The following ZMIZ2 variants were observed in gnomAD, a reference collection of about 807,000 sequenced individuals.
ZMIZ2 encodes zinc finger MIZ domain-containing protein 2.
A neutral mutation model predicts 93.9 loss-of-function variants in ZMIZ2; 26 were observed. The observed-to-expected ratio is 0.28, with a 90% confidence interval of 0.20 to 0.38. ZMIZ2 has a LOEUF of 0.38. Ranked by LOEUF, ZMIZ2 falls within the 10% of genes least tolerant of loss-of-function variation. The pLI, the probability that ZMIZ2 is intolerant of heterozygous loss-of-function variation, is 1.00. For synonymous variants in ZMIZ2, 485 were observed against 516.4 expected (o/e 0.94, Z 0.82); for missense variants, 1,023 against 1,235.0 (o/e 0.83, Z 2.57).
chr7:44,756,690 A>C (rs1199852674), intron 3 of ZMIZ2, 151 bp downstream of exon 3: 1 of 829,580 alleles, frequency 1.2e-6, no homozygotes, highest in Non-Finnish European at 1.9e-6. Flanking sequence ...GGGCCTCCTG[A>C]GTCCCCTAAG....
At chr7:44,755,697 C>T (rs1017868112) in intron 1 of ZMIZ2, among the ~76,000 whole-genome samples, 4 of 152,212 alleles carry the variant, frequency 2.6e-5, no homozygotes, top group Non-Finnish European at 2.9e-5. Context: ...TATGCCCCTA[C>T]CTGGGCTACT....
chr7:44,755,044 G>A (rs544738664), intron 1 of ZMIZ2, among the ~76,000 whole-genome samples: 50 of 152,298 alleles, frequency 3.3e-4, no homozygotes, highest in African/African-American at 1.2e-3. Context: ...GTCGGAAGGC[G>A]TGGCACTCAG....
chr7:44,756,082 C>T, intron 1 of ZMIZ2, 106 bp from the exon 2 acceptor site: 1 of 857,474 alleles, frequency 1.2e-6, no homozygotes, highest in Non-Finnish European at 1.9e-6. Context: ...CCAGGGGTCC[C>T]TTATTGAGAA....
chr7:44,760,239 TGGCCGGGAGGATG>T lies in ZMIZ2; in HGVS notation c.1071+22_1071+34del, dbSNP rs780263645. Reference sequence around the variant, plus strand: ...CCTGGCCTGAGTGGGGTAGGGGGCCTGGCCGGGAGGATGGGCCGGGAGGCTCACAGGGTGGGCA... The same window carrying T: ...CCTGGCCTGAGTGGGGTAGGGGGCCTGGCCGGGAGGCTCACAGGGTGGGCA... On this transcript the variant is annotated intron_variant, in intron 8 of 18. Transcript: ENST00000309315. 1.2e-5 allele frequency: 20 copies of T among 1,608,170 alleles called. No homozygotes were observed. The highest frequency in any genetic ancestry group is 4.0e-5 in the African/African-American group (3 of 74,740).
chr7:44,750,562 C>G (rs1583600446), intron 1 of ZMIZ2, among the ~76,000 whole-genome samples: 1 of 152,316 alleles, frequency 6.6e-6, no homozygotes, highest in East Asian at 1.9e-4. Context: ...CCACAGGGCC[C>G]ACTTGCTGGT....
intron 18 of ZMIZ2, among the ~76,000 whole-genome samples, chr7:44,767,313 A>C (rs1056586336): frequency 6.6e-6 from 1 of 152,120 alleles, no homozygotes; most frequent in African/African-American, 2.4e-5. Context: ...GCAACCTTGC[A>C]GGGAGGTCCC....
chr7:44,751,817 A>G (rs1292164307), intron 1 of ZMIZ2, among the ~76,000 whole-genome samples: 3 of 152,076 alleles, frequency 2.0e-5, no homozygotes, highest in Non-Finnish European at 4.4e-5. Flanking sequence ...TTAGCCAGGC[A>G]TGGACTATGG....
Position 44,756,187 on chromosome 7 carries a change from G to A in ZMIZ2, c.-62-1G>A. The A allele has an allele frequency of 6.2e-7, 1 of 1,611,862 alleles. No homozygotes were observed. Among genetic ancestry groups the A allele is most frequent in the Non-Finnish European group, 8.5e-7 (1 of 1,178,320 alleles). On this transcript the variant is annotated splice_acceptor_variant, in intron 1 of 18. Coordinates refer to ENST00000309315, the MANE Select transcript of ZMIZ2 (RefSeq NM_031449.4). LOFTEE classifies it low-confidence loss of function (5UTR_SPLICE). ...AACATCCCTTCCTTCCTGTCGGGCA[G>A]CCAGAGCAGCTGAGTTCCAGATAAA...
chr7:44,765,246 C>G lies in ZMIZ2; in HGVS notation c.1998-89C>G. 1 of 1,574,094 alleles carries G rather than the reference C, an allele frequency of 6.4e-7. No homozygotes were observed. Among genetic ancestry groups the G allele is most frequent in the Non-Finnish European group, 8.6e-7 (1 of 1,160,154 alleles). On this transcript the variant is annotated intron_variant, in intron 15 of 18. Coordinates refer to ENST00000309315, the MANE Select transcript of ZMIZ2 (RefSeq NM_031449.4). The surrounding 1 kb of genome is among the most constrained non-coding windows in gnomAD (Gnocchi z 4.1). ...GCAAGCATTTGAGTGGGGGAACCTG[C>G]CTGGAAACAGCCCAGGGCTGGGAGG...
rs755292120 is a variant in ZMIZ2, at chr7:44,761,839, C to T, written c.1530C>T (p.Leu510=). The change falls in exon 11 of 19, where the codon CTC becomes CTT. Residue 510 remains leucine, a synonymous_variant. Transcript: ENST00000309315. The surrounding 1 kb of genome is among the most constrained non-coding windows in gnomAD (Gnocchi z 5.8). ...RGDNKTSHKP[L]YLKHVCQPGR... ...ACAACAAGACCTCGCACAAGCCACT[C>T]TACCTGAAGCATGTGTGCCAGCCAG... 8 of 1,614,114 alleles carry T rather than the reference C, an allele frequency of 5.0e-6. No homozygotes were observed. The highest frequency in any genetic ancestry group is 4.5e-5 in the East Asian group (2 of 44,892).
chr7:44,756,130 T>G, intron 1 of ZMIZ2, 58 bp from the exon 2 acceptor site: 1 of 1,438,040 alleles, frequency 7.0e-7, no homozygotes, highest in South Asian at 1.2e-5. Flanking sequence ...CCCTCCACCC[T>G]GCTGAAAGGG....
Position 44,761,717 on chromosome 7 carries a change from A to G in ZMIZ2, c.1408A>G (p.Lys470Glu). ...IMRPDLELQF[K>E]CYHHEDRQMN... ...CAGGCCTGACCTGGAGCTGCAATTC[A>G]AGTGCTACCACCACGAGGACCGGCA... is the stretch of plus-strand genomic sequence containing the variant. Residue 470 changes from lysine (K) to glutamate (E), a missense_variant, in exon 11 of 19, where the codon AAG (lysine) becomes GAG (glutamate). Lys to Glu is a moderately conservative substitution (Grantham distance 56). This residue lies in a region of ZMIZ2 where 656 missense variants were observed against 777.1 expected (regional missense o/e 0.84). Transcript: ENST00000309315. This position sits in a 1 kb window ranked among gnomAD's most constrained non-coding sequence, Gnocchi z 5.8. 6.2e-7 allele frequency: 1 copy of G among 1,614,004 alleles called. No homozygotes were observed. Among genetic ancestry groups the G allele is most frequent in the Non-Finnish European group, 8.5e-7 (1 of 1,180,012 alleles).
At chr7:44,757,658 A>C (rs1790727972) in intron 5 of ZMIZ2, 97 bp downstream of exon 5, 11 of 1,472,874 alleles carry the variant, frequency 7.5e-6, no homozygotes, top group Non-Finnish European at 9.9e-6. Flanking sequence ...CAAGCATGGA[A>C]TATGCCAGGG....
chr7:44,763,440 G>A lies in ZMIZ2; in HGVS notation c.1860+27G>A, dbSNP rs200957731. On this transcript the variant is annotated intron_variant, in intron 13 of 18. Transcript: ENST00000309315. The surrounding 1 kb of genome is among the most constrained non-coding windows in gnomAD (Gnocchi z 5.6). ...TAGGTGGTTACTGCAGAGTCTTGCC[G>A]GAATTTGCTGCTGCTAAAATATCTT... is the stretch of plus-strand genomic sequence containing the variant. The A allele has an allele frequency of 8.8e-5, 142 of 1,611,312 alleles. No individual in the cohort carries two copies. In the African/African-American group the frequency reaches 1.4e-3, roughly 15 times the overall value.
At chr7:44,751,331 G>A (rs376004593) in intron 1 of ZMIZ2, among the ~76,000 whole-genome samples, 14 of 152,348 alleles carry the variant, frequency 9.2e-5, no homozygotes, top group Admixed American at 3.9e-4. Flanking sequence ...CTGGGCTTAG[G>A]CCCCAGCCCA....
rs763246287 is a variant in ZMIZ2, at chr7:44,761,677, AC to A, written c.1386-15del. On this transcript the variant is annotated splice_polypyrimidine_tract_variant and intron_variant, in intron 10 of 18. Transcript: ENST00000309315. This position sits in a 1 kb window ranked among gnomAD's most constrained non-coding sequence, Gnocchi z 5.8. ...CTCAGGGCCCGTTTTCTGGGTGTCC[AC>A]CCATCTTCCTGAGCAGGCCTGACCT... 3.4e-5 allele frequency: 55 copies of A among 1,613,686 alleles called. No homozygotes were observed. The Admixed American group carries it at 8.7e-4, about 25-fold the overall frequency.
At chr7:44,754,825 A>T (rs571952482) in intron 1 of ZMIZ2, among the ~76,000 whole-genome samples, 10 of 152,066 alleles carry the variant, frequency 6.6e-5, no homozygotes, top group African/African-American at 1.9e-4. Flanking sequence ...ATGCCTGGGG[A>T]CTCCTGAGAA....
chr7:44,760,365 C>G (rs1253336177), intron 8 of ZMIZ2, 60 bp from the exon 9 acceptor site: 2 of 1,595,860 alleles, frequency 1.3e-6, no homozygotes, highest in African/African-American at 2.7e-5. Flanking sequence ...GCGCCGTGAA[C>G]AGACTCCACT....
rs772565337 is a variant in ZMIZ2, at chr7:44,764,903, G to T, written c.1929-38G>T. On this transcript the variant is annotated intron_variant, in intron 14 of 18. Coordinates refer to ENST00000309315, the MANE Select transcript of ZMIZ2 (RefSeq NM_031449.4). ...GGGCCTGTGCCCAGGACAGGGTTGT[G>T]CAAGGTCTCTGAGCTGTGTCCCTTT... 2.6e-5 allele frequency: 42 copies of T among 1,611,162 alleles called. 1 individual carries two copies. The African/African-American group carries it at 3.7e-4, about 14-fold the overall frequency.
Sources: allele counts gnomAD v4.1 joint callset (sites outside exome capture counted in the v4.1 genomes callset), GRCh38; gene constraint gnomAD v4.1.1; regional missense constraint gnomAD v4.1.1; non-coding constraint Gnocchi (gnomAD v3.1); transcripts MANE v1.5; gene names NCBI Gene and HGNC (gene_info 2026-07-23, HGNC 2026-07-21).